PRKN: variants seen among roughly 807,000 people sequenced by gnomAD.
PRKN encodes parkin RBR E3 ubiquitin protein ligase, also known as E3 ubiquitin-protein ligase parkin.
PRKN carries 56 observed loss-of-function variants against 59.5 expected under a neutral mutation model. That is an observed-to-expected ratio of 0.94 (90% CI 0.76 to 1.18). The LOEUF (loss-of-function observed/expected upper bound fraction) is 1.18. Among genes scored for constraint, PRKN ranks in the 50% most tolerant of loss-of-function variants. PRKN has a pLI of 0.00. For missense variants in PRKN, 657 were observed against 596.4 expected (o/e 1.10, Z -1.06); for synonymous variants, 250 against 222.1 (o/e 1.13, Z -1.12).
intron 3 of PRKN, among the ~76,000 whole-genome samples, chr6:162,252,343 T>C (rs1779469611): frequency 6.6e-6 from 1 of 152,190 alleles, no homozygotes; most frequent in African/African-American, 2.4e-5. Flanking sequence ...TATCTGTATA[T>C]AGAATTTTGA....
At chr6:162,449,857 C>G (rs1790505659) in intron 1 of PRKN, among the ~76,000 whole-genome samples, 1 of 152,066 alleles carries the variant, frequency 6.6e-6, no homozygotes, top group African/African-American at 2.4e-5. Flanking sequence ...TCTTGAAAAG[C>G]CATAGAAGAG....
chr6:161,637,712 TAAA>T (rs10602359), intron 7 of PRKN, among the ~76,000 whole-genome samples: 94,427 of 147,892 alleles, frequency 0.64, 30,629 homozygotes, highest in African/African-American at 0.79. Context: ...CTTTTATCCT[TAAA>T]AAAAAAAAAA....
At chr6:161,777,639 G>GAAA (rs1789981870) in intron 7 of PRKN, among the ~76,000 whole-genome samples, 1 of 143,194 alleles carries the variant, frequency 7.0e-6, no homozygotes, top group African/African-American at 2.6e-5. Flanking sequence ...TAACTCTACG[G>GAAA]ATATTCTCAT....
rs552946997 is a variant in PRKN, at chr6:162,025,141, G to T, written c.618+28950C>A. ...CGCCATTCTCCTGCCTCAGCCTCCC[G>T]AGTAGCTGGGACTACAGGCACCTGC... On this transcript the variant is annotated intron_variant, in intron 5 of 11. Coordinates refer to ENST00000366898, the MANE Select transcript of PRKN (RefSeq NM_004562.3). Among the ~76,000 whole-genome samples the T allele has an allele frequency of 1.2e-4, 18 of 150,150 alleles. No individual in the cohort carries two copies. In the South Asian group the frequency reaches 3.8e-3, roughly 32 times the overall value.
chr6:162,274,116 T>G (rs544013456), intron 2 of PRKN, among the ~76,000 whole-genome samples: 3 of 152,214 alleles, frequency 2.0e-5, no homozygotes, highest in South Asian at 2.1e-4. Context: ...GTCCATATTT[T>G]GGGACTGGAA....
Position 161,457,275 on chromosome 6 carries a change from C to T in PRKN, c.1084-70398G>A, listed in dbSNP as rs1583094169. 1.3e-5 allele frequency among the ~76,000 whole-genome samples: 2 copies of T among 152,186 alleles called. No homozygotes were observed. Among genetic ancestry groups the T allele is most frequent in the East Asian group, 3.9e-4 (2 of 5,190 alleles). ...TTAAGCACTTTGCAAGGAGGATGGG[C>T]AGCTGGGCCAATGCAGGATCCAACT... On this transcript the variant is annotated intron_variant, in intron 9 of 11. Transcript: ENST00000366898. This position sits in a 1 kb window ranked among gnomAD's most constrained non-coding sequence, Gnocchi z 5.0.
intron 4 of PRKN, among the ~76,000 whole-genome samples, chr6:162,189,976 C>A (rs760413122): frequency 4.6e-5 from 7 of 151,968 alleles, no homozygotes; most frequent in Non-Finnish European, 2.9e-5. Context: ...ATTCTGTATG[C>A]ACAACTGAAG....
chr6:161,504,682 A>T (rs28505985), intron 9 of PRKN, among the ~76,000 whole-genome samples: 2 of 66,966 alleles, frequency 3.0e-5, no homozygotes, highest in Non-Finnish European at 5.4e-5. Context: ...CCCTCCCCCC[A>T]CCCCACAACA....
Position 161,498,340 on chromosome 6 carries a change from C to G in PRKN, c.1083+50514G>C, listed in dbSNP as rs1037409996. Among the ~76,000 whole-genome samples, 14 of 152,254 alleles carry G rather than the reference C, an allele frequency of 9.2e-5. No individual in the cohort carries two copies. Among genetic ancestry groups the G allele is most frequent in the African/African-American group, 3.4e-4 (14 of 41,534 alleles). On this transcript the variant is annotated intron_variant, in intron 9 of 11. Transcript: ENST00000366898. This position sits in a 1 kb window ranked among gnomAD's most constrained non-coding sequence, Gnocchi z 4.2. ...TTATGTTACTCCTCTCCTCAACGAT[C>G]CCATTATAATTCCTATTCCTCAGTA...
intron 9 of PRKN, among the ~76,000 whole-genome samples, chr6:161,434,559 A>C (rs1471031994): frequency 6.6e-6 from 1 of 152,200 alleles, no homozygotes; most frequent in East Asian, 1.9e-4. Context: ...ACACAAGACT[A>C]TAATGCAGAC....
At chr6:161,573,102 C>T (rs948399877) in intron 7 of PRKN, among the ~76,000 whole-genome samples, 6 of 152,058 alleles carry the variant, frequency 3.9e-5, no homozygotes, top group South Asian at 2.1e-4. Context: ...GGTCTGGGGC[C>T]GAGTGTCCGA....
At chr6:162,111,451 T>G (rs1780433754) in intron 4 of PRKN, among the ~76,000 whole-genome samples, 1 of 148,118 alleles carries the variant, frequency 6.8e-6, no homozygotes, top group South Asian at 2.1e-4. Flanking sequence ...GGCAACAGAG[T>G]GAGACTCTGT....
intron 5 of PRKN, among the ~76,000 whole-genome samples, chr6:162,031,175 G>A (rs1046403650): frequency 6.6e-6 from 1 of 151,962 alleles, no homozygotes; most frequent in African/African-American, 2.4e-5. Flanking sequence ...CAATTCTAGA[G>A]TGATCTAGGA....
At chr6:161,804,652 T>C (rs1791232773) in intron 6 of PRKN, among the ~76,000 whole-genome samples, 1 of 152,238 alleles carries the variant, frequency 6.6e-6, no homozygotes, top group African/African-American at 2.4e-5. Flanking sequence ...TCTATTTTAA[T>C]AACACTTAGC....
chr6:161,516,494 GAAGAAGAAGA>G (rs1238783345), intron 9 of PRKN, among the ~76,000 whole-genome samples: 1,999 of 35,134 alleles, frequency 0.057, 12 homozygotes, highest in Middle Eastern at 0.17. Flanking sequence ...AAAAAAAAAA[GAAGAAGAAGA>G]AAGAAGAAAG....
chr6:162,530,931 C>T (rs955183563), intron 1 of PRKN, among the ~76,000 whole-genome samples: 7 of 151,754 alleles, frequency 4.6e-5, no homozygotes, highest in African/African-American at 1.5e-4. Context: ...GCCGCGTGTG[C>T]CTGTGGTCCC....
At chr6:162,119,495 G>A (rs1407507921) in intron 4 of PRKN, among the ~76,000 whole-genome samples, 1 of 152,168 alleles carries the variant, frequency 6.6e-6, no homozygotes, top group Non-Finnish European at 1.5e-5. Flanking sequence ...CTGTCAACAG[G>A]AGGCAGGAAT....
At position 161,487,285 on chromosome 6, in the gene PRKN, T is replaced by C. The variant is rs1213217497; in HGVS notation, c.1083+61569A>G. Among the ~76,000 whole-genome samples, 1 of 152,174 alleles carries C rather than the reference T, an allele frequency of 6.6e-6. No individual in the cohort carries two copies. Among genetic ancestry groups the C allele is most frequent in the Non-Finnish European group, 1.5e-5 (1 of 68,034 alleles). On this transcript the variant is annotated intron_variant, in intron 9 of 11. Transcript: ENST00000366898. The surrounding 1 kb of genome is among the most constrained non-coding windows in gnomAD (Gnocchi z 5.3). The stretch of plus-strand genomic sequence containing the variant: ...GGCTTGCTCAGTAACAACTGCTCAG[T>C]GAAGGGGCTGGGACTCCCAGCACTT...
chr6:161,752,140 G>C (rs1788721629), intron 7 of PRKN, among the ~76,000 whole-genome samples: 1 of 152,228 alleles, frequency 6.6e-6, no homozygotes, highest in Non-Finnish European at 1.5e-5. Context: ...AGGAGGCTGA[G>C]GTGGGTGGAT....
Sources: allele counts gnomAD v4.1 joint callset (sites outside exome capture counted in the v4.1 genomes callset), GRCh38; gene constraint gnomAD v4.1.1; non-coding constraint Gnocchi (gnomAD v3.1); transcripts MANE v1.5; gene names NCBI Gene and HGNC (gene_info 2026-07-23, HGNC 2026-07-21).